FHIT: variants seen among roughly 807,000 people sequenced by gnomAD.
The protein encoded by FHIT is fragile histidine triad diadenosine triphosphatase.
Under a neutral mutation model 17.9 loss-of-function variants are expected in FHIT, and 19 were observed. The observed-to-expected ratio is 1.06, with a 90% confidence interval of 0.74 to 1.56. The LOEUF (loss-of-function observed/expected upper bound fraction) is 1.56. FHIT is among the 40% of genes most tolerant of loss of function. The pLI is 0.00. For missense variants in FHIT, 248 were observed against 189.2 expected (o/e 1.31, Z -1.82); for synonymous variants, 81 against 69.7 (o/e 1.16, Z -0.81).
At chr3:60,544,573 G>A (rs1156685747) in intron 4 of FHIT, among the ~76,000 whole-genome samples, 2 of 147,672 alleles carry the variant, frequency 1.4e-5, no homozygotes, top group East Asian at 4.0e-4. Flanking sequence ...CATAAGTGAA[G>A]TTGGCCAATA....
chr3:59,758,592 G>A (rs561896290), intron 8 of FHIT, among the ~76,000 whole-genome samples: 1 of 152,196 alleles, frequency 6.6e-6, no homozygotes, highest in African/African-American at 2.4e-5. Context: ...TCCTTGATAA[G>A]GCATCAACAA....
chr3:60,795,879 T>C (rs1269047851), intron 4 of FHIT, among the ~76,000 whole-genome samples: 1 of 152,196 alleles, frequency 6.6e-6, no homozygotes, highest in African/African-American at 2.4e-5. Flanking sequence ...TGCTTGGCAT[T>C]GTTTTCAAGG....
chr3:60,750,083 G>A (rs1173729752), intron 4 of FHIT, among the ~76,000 whole-genome samples: 1 of 152,134 alleles, frequency 6.6e-6, no homozygotes, highest in Non-Finnish European at 1.5e-5. Flanking sequence ...TCAAAGGCAT[G>A]TTGCCTCACT....
intron 7 of FHIT, among the ~76,000 whole-genome samples, chr3:59,976,839 G>C (rs1433501780): frequency 6.6e-6 from 1 of 152,020 alleles, no homozygotes; most frequent in Non-Finnish European, 1.5e-5. Flanking sequence ...ATACAACAAA[G>C]ACATCCTGAC....
At chr3:59,911,835 GC>G (rs1407618946) in intron 8 of FHIT, among the ~76,000 whole-genome samples, 1 of 152,188 alleles carries the variant, frequency 6.6e-6, no homozygotes, top group Non-Finnish European at 1.5e-5. Context: ...AATGCAGGGG[GC>G]TGGGGAAGTG....
intron 5 of FHIT, among the ~76,000 whole-genome samples, chr3:60,300,476 A>G (rs1250133562): frequency 6.6e-6 from 1 of 152,096 alleles, no homozygotes; most frequent in Non-Finnish European, 1.5e-5. Context: ...GCATCTCTAA[A>G]TATCACTTAA....
chr3:60,164,542 G>A (rs770398701), intron 5 of FHIT, among the ~76,000 whole-genome samples: 1 of 152,012 alleles, frequency 6.6e-6, no homozygotes, highest in Admixed American at 6.6e-5. Context: ...AGGCCCTTTT[G>A]ACATTCCAAT....
intron 1 of FHIT, among the ~76,000 whole-genome samples, chr3:61,203,660 A>C (rs2039106831): frequency 6.6e-6 from 1 of 152,214 alleles, no homozygotes; most frequent in South Asian, 2.1e-4. Context: ...TAAAAAAACA[A>C]AACAAAACAA....
At chr3:60,119,092 G>C (rs1321723724) in intron 5 of FHIT, among the ~76,000 whole-genome samples, 1 of 151,336 alleles carries the variant, frequency 6.6e-6, no homozygotes, top group Non-Finnish European at 1.5e-5. Flanking sequence ...TTTTATTTTT[G>C]AGACAGAGTC....
At chr3:59,996,527 G>A (rs955384626) in intron 7 of FHIT, among the ~76,000 whole-genome samples, 3 of 151,980 alleles carry the variant, frequency 2.0e-5, no homozygotes, top group Admixed American at 6.6e-5. Context: ...TGCAGCTTTC[G>A]AATACTTGAA....
At chr3:60,031,745 G>C (rs1701010904) in intron 5 of FHIT, among the ~76,000 whole-genome samples, 1 of 152,130 alleles carries the variant, frequency 6.6e-6, no homozygotes. Flanking sequence ...TAGGTCAGGA[G>C]TTCTTAACCT....
At chr3:60,981,771 G>C (rs761120572) in intron 3 of FHIT, among the ~76,000 whole-genome samples, 1 of 38,458 alleles carries the variant, frequency 2.6e-5, no homozygotes, top group South Asian at 8.7e-4. Context: ...ACCATGTCTG[G>C]CTATTTTTTT....
At chr3:60,099,031 T>G (rs1559630668) in intron 5 of FHIT, among the ~76,000 whole-genome samples, 2 of 152,176 alleles carry the variant, frequency 1.3e-5, no homozygotes, top group African/African-American at 4.8e-5. Flanking sequence ...ATTTGACTGT[T>G]GACCACTGGC....
intron 5 of FHIT, among the ~76,000 whole-genome samples, chr3:60,124,009 T>TATATATATATATAGAGAGAG (rs1384962194): frequency 1.6e-4 from 2 of 12,154 alleles, no homozygotes; most frequent in African/African-American, 3.1e-4. Context: ...TATATATATA[T>TATATATATATATAGAGAGAG]AGAGAGAGAG....
chr3:59,907,417 G>A lies in FHIT; in HGVS notation c.348+14929C>T, dbSNP rs1181745551. 4.6e-5 allele frequency among the ~76,000 whole-genome samples: 7 copies of A among 152,196 alleles called. No homozygotes were observed. The East Asian group carries it at 1.3e-3, about 29-fold the overall frequency. ...GTAGTCTCCTTCACTCACCAGCTTA[G>A]CCTTTAATTCAAAAGGCGCTGCCCC... On this transcript the variant is annotated intron_variant, in intron 8 of 9. Transcript: ENST00000492590.
At chr3:60,852,001 C>G (rs1387159420) in intron 3 of FHIT, among the ~76,000 whole-genome samples, 2 of 152,076 alleles carry the variant, frequency 1.3e-5, no homozygotes, top group East Asian at 3.9e-4. Context: ...TTTGGTCGAA[C>G]TTTATTCCGA....
At chr3:60,965,585 C>G (rs1284206774) in intron 3 of FHIT, among the ~76,000 whole-genome samples, 1 of 152,150 alleles carries the variant, frequency 6.6e-6, no homozygotes, top group Non-Finnish European at 1.5e-5. Flanking sequence ...TATCTTTGGT[C>G]TTTGATGATG....
chr3:60,543,870 G>T (rs2036267359), intron 4 of FHIT, among the ~76,000 whole-genome samples: 1 of 144,894 alleles, frequency 6.9e-6, no homozygotes, highest in African/African-American at 2.6e-5. Flanking sequence ...TCAGCCTCCA[G>T]AGTAGCTGGG....
chr3:60,732,326 T>A (rs2042046934), intron 4 of FHIT: 1 of 935,818 alleles, frequency 1.1e-6, no homozygotes. Flanking sequence ...TTGTGTTGGG[T>A]CCAGCATTTG....
Sources: allele counts gnomAD v4.1 joint callset (sites outside exome capture counted in the v4.1 genomes callset), GRCh38; gene constraint gnomAD v4.1.1; transcripts MANE v1.5; gene names NCBI Gene and HGNC (gene_info 2026-07-23, HGNC 2026-07-21).